Variants in DNA2 observed in about 807,000 individuals in gnomAD.
DNA2 encodes the protein DNA replication helicase/nuclease 2, also known as DNA replication ATP-dependent helicase/nuclease DNA2.
Under a neutral mutation model 119.1 loss-of-function variants are expected in DNA2, and 101 were observed. That is an observed-to-expected ratio of 0.85 (90% CI 0.72 to 1.00). DNA2 has a LOEUF of 1.00. DNA2 is among the 50% of genes least tolerant of loss of function. The pLI, the probability that DNA2 is intolerant of heterozygous loss-of-function variation, is 0.00. For missense variants in DNA2, 1,121 were observed against 1,255.5 expected, an observed-to-expected ratio of 0.89 and a Z score of 1.62; for synonymous variants, 366 against 424.4, an observed-to-expected ratio of 0.86 and a Z score of 1.69.
intron 20 of DNA2, among the ~76,000 whole-genome samples, chr10:68,416,281 A>G (rs1045132543): frequency 1.2e-4 from 18 of 152,144 alleles, no homozygotes; most frequent in Non-Finnish European, 1.8e-4. Flanking sequence ...CCTGGGCAAC[A>G]TGGTGAAACC....
chr10:68,460,093 TTTTC>T (rs1278447748), intron 4 of DNA2, among the ~76,000 whole-genome samples: 3 of 151,380 alleles, frequency 2.0e-5, no homozygotes, highest in Non-Finnish European at 4.4e-5. Context: ...TTTTTCTTCT[TTTTC>T]TTTTTCTCTT....
Position 68,422,303 on chromosome 10 carries a change from A to G in DNA2, c.2619T>C (p.Tyr873=). 1.2e-6 allele frequency: 2 copies of G among 1,613,936 alleles called. No homozygotes were observed. The highest frequency in any genetic ancestry group is 1.1e-5 in the South Asian group (1 of 91,064). The change falls in exon 17 of 21, where the codon TAT becomes TAC. Residue 873 remains tyrosine (Y), a synonymous_variant. Transcript: ENST00000358410. ...ACCAAGGATTATCAGAATAGTCAGCATAAAATTCCAGTTCCAGCTTCACAT... is the reference window on the plus strand; with the variant it reads ...ACCAAGGATTATCAGAATAGTCAGCGTAAAATTCCAGTTCCAGCTTCACAT... ...FKDVKLELEF[Y]ADYSDNPWLM...
At chr10:68,446,120 T>C (rs1328063686) in intron 7 of DNA2, among the ~76,000 whole-genome samples, 176 bp downstream of exon 7, 2 of 151,734 alleles carry the variant, frequency 1.3e-5, no homozygotes, top group Middle Eastern at 6.8e-3. Context: ...TGAGACTCTA[T>C]CTCAAAAAAC....
At chr10:68,437,533 C>T (rs902541227) in intron 9 of DNA2, among the ~76,000 whole-genome samples, 1 of 151,670 alleles carries the variant, frequency 6.6e-6, no homozygotes, top group African/African-American at 2.4e-5. Context: ...GCCCGTAATC[C>T]CAGCTACTCA....
intron 5 of DNA2, among the ~76,000 whole-genome samples, chr10:68,451,077 G>A (rs1178799316): frequency 6.9e-6 from 1 of 145,378 alleles, no homozygotes; most frequent in Non-Finnish European, 1.5e-5. Flanking sequence ...TACAACCTGA[G>A]TGACAGAACA....
chr10:68,431,316 CTT>C (rs2051818048), intron 13 of DNA2, among the ~76,000 whole-genome samples: 2 of 150,788 alleles, frequency 1.3e-5, no homozygotes, highest in African/African-American at 2.4e-5. Flanking sequence ...GAGTTTTGCT[CTT>C]GTTGTCCAGA....
At chr10:68,469,098 A>C (rs1204592459) in intron 2 of DNA2, among the ~76,000 whole-genome samples, 1 of 152,172 alleles carries the variant, frequency 6.6e-6, no homozygotes, top group Non-Finnish European at 1.5e-5. Context: ...TTAGACGAAG[A>C]GTCAAAGTTA....
chr10:68,458,461 G>C (rs1405047488), intron 5 of DNA2, among the ~76,000 whole-genome samples: 1 of 150,506 alleles, frequency 6.6e-6, no homozygotes, highest in African/African-American at 2.5e-5. Flanking sequence ...TGAACCCCGG[G>C]AGGCGGAGGT....
chr10:68,465,396 T>A (rs181750020), intron 4 of DNA2, among the ~76,000 whole-genome samples: 2 of 152,248 alleles, frequency 1.3e-5, no homozygotes, highest in East Asian at 1.9e-4. Flanking sequence ...TTTCTAGAAC[T>A]AATGCAAAAA....
At chr10:68,421,570 A>T (rs1323693041) in intron 17 of DNA2, among the ~76,000 whole-genome samples, 1 of 151,858 alleles carries the variant, frequency 6.6e-6, no homozygotes, top group African/African-American at 2.4e-5. Context: ...CCTGGCCAAC[A>T]TGGTGAAAGC....
chr10:68,441,069 G>A (rs553994190), intron 9 of DNA2, among the ~76,000 whole-genome samples: 1 of 151,702 alleles, frequency 6.6e-6, no homozygotes, highest in African/African-American at 2.4e-5. Context: ...ACAGTGGCTC[G>A]CAGCTGTAAT....
chr10:68,472,134 A>G (rs2052391498), upstream of DNA2: 1 of 1,423,420 alleles, frequency 7.0e-7, no homozygotes. Context: ...TCTGAAGCAG[A>G]CTAAACGCTC....
Position 68,470,046 on chromosome 10 carries a change from CT to C in DNA2, c.191del (p.Lys64SerfsTer11). 1 of 1,613,808 alleles carries C rather than the reference CT, an allele frequency of 6.2e-7. No homozygotes were observed. The highest frequency in any genetic ancestry group is 8.5e-7 in the Non-Finnish European group (1 of 1,179,846). On this transcript the variant is annotated frameshift_variant, in exon 2 of 21. Transcript: ENST00000358410. LOFTEE classifies it high-confidence loss of function. Reference protein sequence around the residue: ...TVQNKEGNCEKRLVITASQSL... With the variant: ...TVQNKEGNCEXRLVITASQSL... ...ACTGTGAAGCAGTGATGACCAGGCG[CT>C]TTTCACAGTTTCCCTCTTTGTTCTG...
At chr10:68,450,436 A>C (rs570839024) in intron 5 of DNA2, among the ~76,000 whole-genome samples, 189 bp from the exon 6 acceptor site, 10 of 152,190 alleles carry the variant, frequency 6.6e-5, no homozygotes, top group Non-Finnish European at 1.2e-4. Flanking sequence ...CTTGCTATAA[A>C]AGTAAATCCT....
At chr10:68,420,020 G>A (rs185977780) in intron 17 of DNA2, 128 bp from the exon 18 acceptor site, 17 of 750,870 alleles carry the variant, frequency 2.3e-5, no homozygotes, top group Admixed American at 8.4e-5. Context: ...AGATGAAGGT[G>A]AAAGAATCAA....
chr10:68,452,737 ATTTTTTTTTT>A (rs35788452), intron 5 of DNA2, among the ~76,000 whole-genome samples: 3,056 of 90,186 alleles, frequency 0.034, 96 homozygotes, highest in African/African-American at 0.11. Context: ...ACGCCCAGCT[ATTTTTTTTTT>A]TTTTTTTTTT....
At chr10:68,458,149 G>A (rs1202935283) in intron 5 of DNA2, among the ~76,000 whole-genome samples, 1 of 151,882 alleles carries the variant, frequency 6.6e-6, no homozygotes, top group Non-Finnish European at 1.5e-5. Flanking sequence ...CTCCAGCCTG[G>A]GGGACATAAT....
chr10:68,457,749 A>AC (rs2052203784), intron 5 of DNA2, among the ~76,000 whole-genome samples: 1 of 152,116 alleles, frequency 6.6e-6, no homozygotes, highest in Non-Finnish European at 1.5e-5. Context: ...AAAAAAAAAA[A>AC]AAAACTTGAA....
chr10:68,472,066 G>GCT, upstream of DNA2: 1 of 1,590,862 alleles, frequency 6.3e-7, no homozygotes, highest in Non-Finnish European at 8.6e-7. Flanking sequence ...GAGCAGCAGG[G>GCT]CTCTGTCCCC....
Sources: allele counts gnomAD v4.1 joint callset (sites outside exome capture counted in the v4.1 genomes callset), GRCh38; gene constraint gnomAD v4.1.1; transcripts MANE v1.5; gene names NCBI Gene and HGNC (gene_info 2026-07-23, HGNC 2026-07-21).